TBCK: variants seen among roughly 807,000 people sequenced by gnomAD.
TBCK encodes the protein TBC1 domain containing kinase.
In TBCK, 99 loss-of-function variants were observed where a neutral mutation model predicts 113.4. That is an observed-to-expected ratio of 0.87 (90% confidence interval 0.74 to 1.03). The LOEUF (loss-of-function observed/expected upper bound fraction) is 1.03, where lower values mean the gene tolerates loss of function less well. Ranked by LOEUF, TBCK falls within the 50% of genes least tolerant of loss-of-function variation. The pLI is 0.00. For missense variants in TBCK, 1,045 were observed against 1,061.3 expected (o/e 0.98, Z 0.21); for synonymous variants, 369 against 370.8 (o/e 1.00, Z 0.05).
At chr4:106,265,441 C>T (rs990869262) in intron 3 of TBCK, among the ~76,000 whole-genome samples, 3 of 151,462 alleles carry the variant, frequency 2.0e-5, no homozygotes, top group Admixed American at 6.6e-5. Context: ...ACAGTCATCC[C>T]GTTGTATTAA....
chr4:106,264,110 A>G lies in TBCK; in HGVS notation c.267-1898T>C, dbSNP rs1228095350. On this transcript the variant is annotated intron_variant, in intron 3 of 25. Coordinates refer to ENST00000394708, the MANE Select transcript of TBCK (RefSeq NM_001163435.3). ...CACAACTTCCCCAATTTTCTTCCCA[A>G]ACTTCTTATCTGTATTCATTATATT... Among the ~76,000 whole-genome samples the G allele has an allele frequency of 3.3e-5, 5 of 151,970 alleles. No individual in the cohort carries two copies. The South Asian group carries it at 1.0e-3, about 31-fold the overall frequency.
chr4:106,211,965 T>A (rs1756189398), intron 20 of TBCK, among the ~76,000 whole-genome samples: 1 of 152,072 alleles, frequency 6.6e-6, no homozygotes, highest in Admixed American at 6.5e-5. Flanking sequence ...TCCTAAAAAA[T>A]TATAATTGCT....
intron 2 of TBCK, among the ~76,000 whole-genome samples, chr4:106,298,390 G>A (rs1181327440): frequency 2.0e-5 from 3 of 151,702 alleles, no homozygotes; most frequent in African/African-American, 7.3e-5. Context: ...GGCGGATCAC[G>A]AGGTCAGGAG....
At chr4:106,186,683 C>T (rs1406279863) in intron 22 of TBCK, among the ~76,000 whole-genome samples, 1 of 152,082 alleles carries the variant, frequency 6.6e-6, no homozygotes, top group Non-Finnish European at 1.5e-5. Flanking sequence ...TGTAGGTTGT[C>T]TGTTTACTCT....
At chr4:106,228,378 C>T (rs1178561372) in intron 19 of TBCK, among the ~76,000 whole-genome samples, 4 of 150,250 alleles carry the variant, frequency 2.7e-5, no homozygotes, top group African/African-American at 9.8e-5. Context: ...TGTGTATCCT[C>T]CAACTCCTAC....
At chr4:106,272,812 C>A (rs1330475942) in intron 3 of TBCK, among the ~76,000 whole-genome samples, 2 of 152,046 alleles carry the variant, frequency 1.3e-5, no homozygotes. Flanking sequence ...CTTTTAACTA[C>A]AGTTAAGGGT....
At chr4:106,174,544 T>G (rs1335133894) in intron 22 of TBCK, among the ~76,000 whole-genome samples, 2 of 152,120 alleles carry the variant, frequency 1.3e-5, no homozygotes, top group South Asian at 2.1e-4. Flanking sequence ...ATTATGAAAT[T>G]TCATGGTGAT....
At chr4:106,254,852 T>G (rs2150074881) in intron 5 of TBCK, 1 of 152,486 alleles carries the variant, frequency 6.6e-6, no homozygotes, top group South Asian at 2.1e-4. Context: ...CCTAAGAGTA[T>G]ACTATTACAC....
At chr4:106,059,686 C>T (rs1176039676) in intron 25 of TBCK, among the ~76,000 whole-genome samples, 1 of 151,542 alleles carries the variant, frequency 6.6e-6, no homozygotes, top group African/African-American at 2.4e-5. Flanking sequence ...TCAAAATGGC[C>T]TTTGGTGTTC....
chr4:106,225,839 T>A (rs954067197), intron 19 of TBCK, among the ~76,000 whole-genome samples: 2 of 152,154 alleles, frequency 1.3e-5, no homozygotes, highest in African/African-American at 2.4e-5. Context: ...CAAGACATTG[T>A]CTTGCATATC....
intron 19 of TBCK, among the ~76,000 whole-genome samples, chr4:106,226,690 A>G (rs980422511): frequency 3.9e-5 from 6 of 152,134 alleles, no homozygotes; most frequent in African/African-American, 1.4e-4. Flanking sequence ...TAATCTTCTC[A>G]GTGTCTTTGG....
chr4:106,314,861 G>A (rs1768604022), intron 1 of TBCK, among the ~76,000 whole-genome samples: 2 of 151,756 alleles, frequency 1.3e-5, no homozygotes, highest in African/African-American at 4.8e-5. Context: ...CTGACCTCAG[G>A]TGATCCACCC....
chr4:106,186,132 T>C (rs1222312087), intron 22 of TBCK, among the ~76,000 whole-genome samples: 2 of 152,202 alleles, frequency 1.3e-5, no homozygotes, highest in Non-Finnish European at 2.9e-5. Context: ...CAGTCCACCA[T>C]TGATGGGCAT....
chr4:106,089,468 C>T (rs1046364339), intron 25 of TBCK, among the ~76,000 whole-genome samples: 3 of 152,172 alleles, frequency 2.0e-5, no homozygotes, highest in Non-Finnish European at 2.9e-5. Context: ...CTTATGTCCT[C>T]CTCACATATC....
At chr4:106,265,555 G>GAGA in intron 3 of TBCK, among the ~76,000 whole-genome samples, 1 of 151,276 alleles carries the variant, frequency 6.6e-6, no homozygotes, top group South Asian at 2.1e-4. Flanking sequence ...AGAGCAAGAG[G>GAGA]GAAAGAGACA....
At chr4:106,229,255 A>G (rs1758584545) in intron 19 of TBCK, among the ~76,000 whole-genome samples, 1 of 151,700 alleles carries the variant, frequency 6.6e-6, no homozygotes, top group Admixed American at 6.6e-5. Context: ...ACTTGATGTG[A>G]TCTCATTTGT....
At chr4:106,277,878 T>C (rs566227713) in intron 3 of TBCK, among the ~76,000 whole-genome samples, 8 of 152,318 alleles carry the variant, frequency 5.3e-5, no homozygotes, top group African/African-American at 1.2e-4. Flanking sequence ...CATAAACACA[T>C]ATTGAAATGT....
intron 9 of TBCK, 42 bp from the exon 10 acceptor site, chr4:106,247,329 A>T (rs1760953493): frequency 6.3e-7 from 1 of 1,588,824 alleles, no homozygotes; most frequent in Non-Finnish European, 8.6e-7. Context: ...GAAAGTCATA[A>T]AAAATTTCCT....
chr4:106,166,783 AATAAT>A (rs1218941926), intron 23 of TBCK, among the ~76,000 whole-genome samples: 2 of 151,736 alleles, frequency 1.3e-5, no homozygotes, highest in African/African-American at 2.4e-5. Context: ...AAGAAACTGT[AATAAT>A]ATAATACATT....
Sources: gnomAD v4.1 joint callset for allele counts (sites outside exome capture counted in the v4.1 genomes callset) on GRCh38, gnomAD v4.1.1 for gene constraint, MANE v1.5 for transcripts, NCBI Gene and HGNC (gene_info 2026-07-23, HGNC 2026-07-21) for gene names.